Variants in DYNC1I1 observed in about 807,000 individuals in gnomAD.
DYNC1I1 encodes the protein cytoplasmic dynein 1 intermediate chain 1.
In DYNC1I1, 43 loss-of-function variants were observed where a neutral mutation model predicts 86.6. That is an observed-to-expected ratio of 0.50 (90% CI 0.39 to 0.64). The LOEUF is 0.64. Among genes scored for constraint, DYNC1I1 ranks in the 30% least tolerant of loss-of-function variants. The probability of loss-of-function intolerance (pLI) is 0.00; values close to 1 mark genes in which losing one functional copy is unlikely to be tolerated. For synonymous variants in DYNC1I1, 262 were observed against 283.7 expected, an observed-to-expected ratio of 0.92 and a Z score of 0.77; for missense variants, 604 against 788.8, an observed-to-expected ratio of 0.77 and a Z score of 2.81.
intron 11 of DYNC1I1, among the ~76,000 whole-genome samples, chr7:96,030,038 CTCTAA>C (rs142557638): frequency 0.042 from 6,302 of 151,480 alleles, 140 homozygotes; most frequent in South Asian, 0.068. Context: ...TGTTTGTTTT[CTCTAA>C]TCTATAGCTA....
At chr7:96,048,181 G>C (rs1413381635) in intron 14 of DYNC1I1, among the ~76,000 whole-genome samples, 2 of 152,176 alleles carry the variant, frequency 1.3e-5, no homozygotes, top group Admixed American at 1.3e-4. Flanking sequence ...TTGAGGACCA[G>C]CTGGGGCTAA....
chr7:96,056,262 A>G (rs1436429385), intron 14 of DYNC1I1: 2 of 152,118 alleles, frequency 1.3e-5, no homozygotes, highest in African/African-American at 2.4e-5. Flanking sequence ...GTAGCAATCC[A>G]TAGACCATCA....
intron 5 of DYNC1I1, among the ~76,000 whole-genome samples, chr7:95,837,805 C>G (rs1562915713): frequency 6.6e-6 from 1 of 152,276 alleles, no homozygotes; most frequent in Non-Finnish European, 1.5e-5. Flanking sequence ...CCCAGTGAGG[C>G]AATGCCTCAC....
chr7:95,928,376 T>C (rs1308428412), intron 6 of DYNC1I1, among the ~76,000 whole-genome samples: 1 of 152,222 alleles, frequency 6.6e-6, no homozygotes, highest in African/African-American at 2.4e-5. Context: ...AAACACATTT[T>C]CCAGAGTGCT....
intron 6 of DYNC1I1, among the ~76,000 whole-genome samples, chr7:95,939,200 G>A (rs1306865597): frequency 1.3e-5 from 2 of 152,156 alleles, no homozygotes; most frequent in African/African-American, 4.8e-5. Flanking sequence ...ATTTGCTAAG[G>A]AGAACTTTAC....
At chr7:96,059,785 G>A (rs1419882075) in intron 14 of DYNC1I1, among the ~76,000 whole-genome samples, 1 of 152,130 alleles carries the variant, frequency 6.6e-6, no homozygotes, top group Admixed American at 6.6e-5. Flanking sequence ...TGTGAATCAG[G>A]AGCAAGCTTG....
At chr7:95,882,425 A>C (rs1790478968) in intron 6 of DYNC1I1, among the ~76,000 whole-genome samples, 1 of 152,136 alleles carries the variant, frequency 6.6e-6, no homozygotes. Flanking sequence ...ATATTTCTTA[A>C]AGTCCTGGAT....
chr7:96,024,970 T>C (rs946326909), intron 10 of DYNC1I1, among the ~76,000 whole-genome samples: 1 of 152,188 alleles, frequency 6.6e-6, no homozygotes, highest in East Asian at 1.9e-4. Context: ...GGATTGTTGA[T>C]GTAGACTTTC....
intron 5 of DYNC1I1, among the ~76,000 whole-genome samples, chr7:95,836,563 T>C (rs1174750369): frequency 6.6e-6 from 1 of 151,740 alleles, no homozygotes; most frequent in Non-Finnish European, 1.5e-5. Context: ...TGCACAGTGT[T>C]TTCCAACTTG....
intron 14 of DYNC1I1, among the ~76,000 whole-genome samples, chr7:96,072,294 G>A (rs1790192884): frequency 6.6e-6 from 1 of 152,164 alleles, no homozygotes; most frequent in African/African-American, 2.4e-5. Flanking sequence ...AGCACAAGGT[G>A]TCACAATTTT....
At chr7:96,000,998 C>T (rs1391834143) in intron 10 of DYNC1I1, among the ~76,000 whole-genome samples, 2 of 152,202 alleles carry the variant, frequency 1.3e-5, no homozygotes, top group Non-Finnish European at 2.9e-5. Flanking sequence ...TGCCATGACA[C>T]ATTGCAAGTG....
intron 5 of DYNC1I1, among the ~76,000 whole-genome samples, chr7:95,866,259 G>A (rs1790015247): frequency 6.6e-6 from 1 of 152,162 alleles, no homozygotes; most frequent in African/African-American, 2.4e-5. Flanking sequence ...CTTTCATTAT[G>A]TCCTAACAAT....
chr7:95,989,777 G>T (rs1237959604), intron 9 of DYNC1I1, among the ~76,000 whole-genome samples: 2 of 152,176 alleles, frequency 1.3e-5, no homozygotes, highest in Non-Finnish European at 2.9e-5. Flanking sequence ...ACGCTGTGGG[G>T]AAGAGGTTTG....
chr7:95,886,688 G>T (rs143760087), intron 6 of DYNC1I1, among the ~76,000 whole-genome samples: 1 of 152,252 alleles, frequency 6.6e-6, no homozygotes, highest in Non-Finnish European at 1.5e-5. Context: ...CCACTTGTCT[G>T]ACTGTGCAAA....
At chr7:95,894,449 A>G (rs1287888485) in intron 6 of DYNC1I1, among the ~76,000 whole-genome samples, 3 of 36,420 alleles carry the variant, frequency 8.2e-5, no homozygotes, top group Admixed American at 4.7e-4. Context: ...GGATTTCAAT[A>G]CCTGAATTTG....
rs1791046198 is a variant in DYNC1I1, at chr7:96,097,393, G to A, written c.1777-90G>A. 2.8e-6 allele frequency: 4 copies of A among 1,413,766 alleles called. No homozygotes were observed. In the African/African-American group the frequency reaches 5.6e-5, roughly 20 times the overall value. The allele number at this position is 1,413,766 out of a possible 1,614,324, so 87.6% of individuals were successfully genotyped here. On this transcript the variant is annotated intron_variant, in intron 16 of 16. Transcript: ENST00000447467. ...AAGGGAAACATCTGCTTTGGAGGGT[G>A]TGGGGGCAAAGGGACAGTCATTCAG...
intron 14 of DYNC1I1, among the ~76,000 whole-genome samples, chr7:96,072,177 G>T (rs1790188870): frequency 6.6e-6 from 1 of 152,194 alleles, no homozygotes; most frequent in Non-Finnish European, 1.5e-5. Context: ...CTTCATGTCT[G>T]CCTGGGAGGT....
intron 6 of DYNC1I1, among the ~76,000 whole-genome samples, chr7:95,935,312 C>A (rs1792010738): frequency 6.6e-6 from 1 of 152,008 alleles, no homozygotes; most frequent in Non-Finnish European, 1.5e-5. Context: ...GAATTTTCTT[C>A]TTTTTAAGGC....
intron 13 of DYNC1I1, among the ~76,000 whole-genome samples, chr7:96,038,755 A>G (rs914360304): frequency 1.3e-5 from 2 of 152,172 alleles, no homozygotes; most frequent in South Asian, 2.1e-4. Flanking sequence ...GGTTTCCACA[A>G]AGTGTTACAT....
Sources: allele counts gnomAD v4.1 joint callset (sites outside exome capture counted in the v4.1 genomes callset), GRCh38; gene constraint gnomAD v4.1.1; transcripts MANE v1.5; gene names NCBI Gene and HGNC (gene_info 2026-07-23, HGNC 2026-07-21).